C1GALT1: variants seen among roughly 807,000 people sequenced by gnomAD.
The protein encoded by C1GALT1 is core 1 synthase, glycoprotein-N-acetylgalactosamine 3-beta-galactosyltransferase 1.
C1GALT1 carries 11 observed loss-of-function variants against 31.0 expected under a neutral mutation model. The ratio of observed to expected loss-of-function variants is 0.36; its 90% CI spans 0.22 to 0.59. The LOEUF is 0.59. C1GALT1 is among the 20% of genes least tolerant of loss of function. The pLI is 0.79. For synonymous variants in C1GALT1, 175 were observed against 143.6 expected (o/e 1.22, Z -1.56); for missense variants, 424 against 425.2 (o/e 1.00, Z 0.03).
intron 1 of C1GALT1, among the ~76,000 whole-genome samples, chr7:7,217,761 C>T (rs749278907): frequency 6.6e-6 from 1 of 152,152 alleles, no homozygotes; most frequent in Non-Finnish European, 1.5e-5. Flanking sequence ...GCAGCCTTGT[C>T]CTGAGCTCAC....
At chr7:7,187,654 A>G (rs999975834) in intron 1 of C1GALT1, among the ~76,000 whole-genome samples, 14 of 152,188 alleles carry the variant, frequency 9.2e-5, no homozygotes, top group Non-Finnish European at 1.3e-4. Context: ...AGAGTTATCC[A>G]GCTCTTAATG....
At chr7:7,233,779 G>C (rs1218340918) in intron 1 of C1GALT1, among the ~76,000 whole-genome samples, 6 of 152,206 alleles carry the variant, frequency 3.9e-5, no homozygotes, top group Non-Finnish European at 8.8e-5. Flanking sequence ...GCTGACCCTA[G>C]TCCTCCACAA....
At chr7:7,214,668 A>T (rs1782149367) in intron 1 of C1GALT1, among the ~76,000 whole-genome samples, 1 of 152,230 alleles carries the variant, frequency 6.6e-6, no homozygotes, top group Admixed American at 6.5e-5. Context: ...ATTGAGACTG[A>T]GACAGTGAAA....
chr7:7,157,759 A>C (rs17164011), intron 2 of C1GALT1, among the ~76,000 whole-genome samples: 24,174 of 152,138 alleles, frequency 0.16, 2,139 homozygotes, highest in Middle Eastern at 0.27. Flanking sequence ...TTTACCACCA[A>C]ACTTCAAATT....
At chr7:7,200,033 C>T (rs1029890994) in intron 1 of C1GALT1, among the ~76,000 whole-genome samples, 1 of 152,126 alleles carries the variant, frequency 6.6e-6, no homozygotes, top group Non-Finnish European at 1.5e-5. Flanking sequence ...GCATTTAGCC[C>T]ATTTACATTT....
intron 1 of C1GALT1, among the ~76,000 whole-genome samples, chr7:7,227,272 T>C (rs1171764427): frequency 6.6e-6 from 1 of 152,238 alleles, no homozygotes; most frequent in Admixed American, 6.5e-5. Flanking sequence ...CTAAAACTCA[T>C]GTTGAAATTT....
chr7:7,223,302 G>A (rs932192531), intron 1 of C1GALT1, among the ~76,000 whole-genome samples: 2 of 152,130 alleles, frequency 1.3e-5, no homozygotes, highest in African/African-American at 4.8e-5. Flanking sequence ...GGGATCACAG[G>A]CACCTGCCAT....
At chr7:7,206,470 T>C (rs1339225735) in intron 1 of C1GALT1, among the ~76,000 whole-genome samples, 3 of 151,640 alleles carry the variant, frequency 2.0e-5, no homozygotes, top group Non-Finnish European at 4.4e-5. Flanking sequence ...AAGTCGGGAG[T>C]CAAGACCAGC....
At chr7:7,195,699 A>G (rs1781255579) in intron 1 of C1GALT1, among the ~76,000 whole-genome samples, 1 of 152,160 alleles carries the variant, frequency 6.6e-6, no homozygotes, top group South Asian at 2.1e-4. Flanking sequence ...GTTCTGGGGT[A>G]TAGTTTAAGT....
At chr7:7,191,534 A>AT (rs1471585386) in intron 1 of C1GALT1, among the ~76,000 whole-genome samples, 23 of 152,014 alleles carry the variant, frequency 1.5e-4, no homozygotes, top group Admixed American at 1.5e-3. Flanking sequence ...TCTATTTTTA[A>AT]TTTTTTGAGG....
upstream of C1GALT1, among the ~76,000 whole-genome samples, chr7:7,179,080 G>C (rs536059531): frequency 2.6e-5 from 4 of 152,286 alleles, no homozygotes; most frequent in Admixed American, 1.3e-4. Context: ...TACCTCACCG[G>C]TTGTTGGCTA....
chr7:7,159,578 AG>A (rs1780312141), intron 2 of C1GALT1, among the ~76,000 whole-genome samples: 1 of 152,004 alleles, frequency 6.6e-6, no homozygotes, highest in Non-Finnish European at 1.5e-5. Flanking sequence ...TCAAGGCAAA[AG>A]GTTCCCCAGA....
In C1GALT1 at chr7:7,240,756, G is replaced by A. The variant is rs534627574; in HGVS notation, c.888+1834G>A. ...AAAATTGACCCATCAATCTGACATTGCCTGTTCTCCCTCAGGAGATTCTTA... is the reference window on the plus strand; with the variant it reads ...AAAATTGACCCATCAATCTGACATTACCTGTTCTCCCTCAGGAGATTCTTA... On this transcript the variant is annotated intron_variant, in intron 3 of 3. Coordinates refer to ENST00000436587, the MANE Select transcript of C1GALT1 (RefSeq NM_020156.5). Among the ~76,000 whole-genome samples, 167 of 152,154 alleles carry A rather than the reference G, an allele frequency of 1.1e-3. 3 individuals carry two copies. The South Asian group carries it at 0.025, about 22-fold the overall frequency.
At chr7:7,213,563 T>C (rs1782104573) in intron 1 of C1GALT1, among the ~76,000 whole-genome samples, 1 of 152,174 alleles carries the variant, frequency 6.6e-6, no homozygotes, top group Non-Finnish European at 1.5e-5. Flanking sequence ...AAGCCAGGCA[T>C]CAGGAAGGAC....
chr7:7,213,261 C>T (rs1782089417), intron 1 of C1GALT1, among the ~76,000 whole-genome samples: 1 of 152,112 alleles, frequency 6.6e-6, no homozygotes, highest in Non-Finnish European at 1.5e-5. Context: ...AGCAAGACAA[C>T]AATTGTCTGC....
At chr7:7,239,199 T>G (rs60271804) in intron 3 of C1GALT1, among the ~76,000 whole-genome samples, 7,943 of 152,256 alleles carry the variant, frequency 0.052, 694 homozygotes, top group African/African-American at 0.18. Flanking sequence ...AACCTTACAT[T>G]CTGGATGAGG....
intron 2 of C1GALT1, among the ~76,000 whole-genome samples, chr7:7,162,279 C>T (rs1264365517): frequency 9.2e-6 from 1 of 108,558 alleles, no homozygotes; most frequent in Non-Finnish European, 1.8e-5. Flanking sequence ...CCCCACCCCA[C>T]AACAGTCCCC....
chr7:7,178,104 GTTT>G, upstream of C1GALT1: 1 of 209,942 alleles, frequency 4.8e-6, no homozygotes, highest in Non-Finnish European at 1.0e-5. Flanking sequence ...AAATGATCCA[GTTT>G]GAAAAGGAGC....
intron 1 of C1GALT1, among the ~76,000 whole-genome samples, chr7:7,230,887 A>C (rs1783044508): frequency 6.6e-6 from 1 of 151,952 alleles, no homozygotes; most frequent in African/African-American, 2.4e-5. Context: ...TGGTAATAAT[A>C]CTAATATCTT....
Sources: allele counts gnomAD v4.1 joint callset (sites outside exome capture counted in the v4.1 genomes callset), GRCh38; gene constraint gnomAD v4.1.1; transcripts MANE v1.5; gene names NCBI Gene and HGNC (gene_info 2026-07-23, HGNC 2026-07-21).